OAF: variants seen among roughly 807,000 people sequenced by gnomAD.
OAF encodes the protein out at first protein homolog.
Under a neutral mutation model 22.5 loss-of-function variants are expected in OAF, and 13 were observed. That is an observed-to-expected ratio of 0.58 (90% CI 0.38 to 0.92). The LOEUF (loss-of-function observed/expected upper bound fraction) is 0.92. Ranked by LOEUF, OAF falls within the 40% of genes least tolerant of loss-of-function variation. OAF has a pLI of 0.00. For missense variants in OAF, 347 were observed against 381.8 expected (o/e 0.91, Z 0.76); for synonymous variants, 175 against 170.5 (o/e 1.03, Z -0.21).
At chr11:120,226,591 ACATAGTTTGGGAAGCATC>A (rs1938359697) in intron 2 of OAF, among the ~76,000 whole-genome samples, 1 of 152,230 alleles carries the variant, frequency 6.6e-6, no homozygotes, top group Non-Finnish European at 1.5e-5. Flanking sequence ...AGTGGCCAGC[ACATAGTTTGGGAAGCATC>A]CATTCTGGAT....
At chr11:120,225,617 GTCCCACACC>G in intron 1 of OAF, 35 bp from the exon 2 acceptor site, 3 of 1,527,176 alleles carry the variant, frequency 2.0e-6, no homozygotes, top group Non-Finnish European at 1.8e-6. Context: ...CAGTGGGAAG[GTCCCACACC>G]CTCCAGCCGT....
chr11:120,228,821 T>TACCAGCCCAAC, intron 3 of OAF, 47 bp from the exon 4 acceptor site: 2 of 520,280 alleles, frequency 3.8e-6, no homozygotes, highest in East Asian at 3.4e-5. Context: ...GGGAGCTCCT[T>TACCAGCCCAAC]CCCTCCCTCC....
Position 120,229,191 on chromosome 11 carries a change from C to A in OAF, c.*49C>A. ...CTGCTCTGGGCCCACTGCTCTTCACCAGCCACTAGAGGGGGTGGCAACCCC... is the reference window on the plus strand; with the variant it reads ...CTGCTCTGGGCCCACTGCTCTTCACAAGCCACTAGAGGGGGTGGCAACCCC... On this transcript the variant is annotated 3_prime_UTR_variant, in exon 4 of 4. Transcript: ENST00000328965. 6.4e-7 allele frequency: 1 copy of A among 1,565,682 alleles called. No individual in the cohort carries two copies. Among genetic ancestry groups the A allele is most frequent in the Non-Finnish European group, 8.7e-7 (1 of 1,146,118 alleles).
At chr11:120,228,837 TCCC>T in intron 3 of OAF, 28 bp from the exon 4 acceptor site, 1 of 262,136 alleles carries the variant, frequency 3.8e-6, no homozygotes, top group Admixed American at 3.8e-5. Context: ...CCTCCCTCCC[TCCC>T]TCCCTGATCC....
At chr11:120,223,622 A>G (rs1938309802) in intron 1 of OAF, among the ~76,000 whole-genome samples, 1 of 152,162 alleles carries the variant, frequency 6.6e-6, no homozygotes, top group South Asian at 2.1e-4. Context: ...GCTCAAATAG[A>G]TTTCTTTCAT....
intron 2 of OAF, among the ~76,000 whole-genome samples, chr11:120,226,208 G>T (rs1379382637): frequency 6.6e-6 from 1 of 152,230 alleles, no homozygotes; most frequent in Admixed American, 6.5e-5. Flanking sequence ...TCACTCATTA[G>T]TTGGGTGACA....
Position 120,229,219 on chromosome 11 carries a change from C to T in OAF, c.*77C>T, listed in dbSNP as rs1938404517. The T allele has an allele frequency of 7.3e-7, 1 of 1,363,552 alleles. No individual in the cohort carries two copies. Among genetic ancestry groups the T allele is most frequent in the African/African-American group, 1.4e-5 (1 of 70,010 alleles). The allele number at this position is 1,363,552 out of a possible 1,614,324, so 84.5% of individuals were successfully genotyped here. A position where few individuals can be genotyped will look rare whatever the true frequency, so the allele number is the denominator to read the frequency against. On this transcript the variant is annotated 3_prime_UTR_variant, in exon 4 of 4. Coordinates refer to ENST00000328965, the MANE Select transcript of OAF (RefSeq NM_178507.4). ...CCACTAGAGGGGGTGGCAACCCCCACCTGAGGCCTTATTTCCCTCCCTCCC... is the reference window on the plus strand; with the variant it reads ...CCACTAGAGGGGGTGGCAACCCCCATCTGAGGCCTTATTTCCCTCCCTCCC...
chr11:120,222,647 C>T (rs1469384893), intron 1 of OAF, among the ~76,000 whole-genome samples: 1 of 152,058 alleles, frequency 6.6e-6, no homozygotes, highest in Non-Finnish European at 1.5e-5. Context: ...GGTGCAGTGG[C>T]TCACGCCTGT....
At position 120,229,074 on chromosome 11, in the gene OAF, T is replaced by C. The variant is rs758586410; in HGVS notation, c.754T>C (p.Tyr252His). Residue 252 changes from tyrosine to histidine, a missense_variant, in exon 4 of 4, where the codon TAC becomes CAC. Coordinates refer to ENST00000328965, the MANE Select transcript of OAF (RefSeq NM_178507.4). ...TGGCATCCGCAGCTGCCAGAAGAGC[T>C]ACAGCTTCGACTTCTACGTGCCCCA... ...KCGIRSCQKS[Y>H]SFDFYVPQRQ... 4 of 1,613,672 alleles carry C rather than the reference T, an allele frequency of 2.5e-6. No homozygotes were observed. The South Asian group carries it at 4.4e-5, about 18-fold the overall frequency.
chr11:120,214,463 A>G (rs1166326773), intron 1 of OAF, among the ~76,000 whole-genome samples: 3 of 152,232 alleles, frequency 2.0e-5, no homozygotes, highest in Non-Finnish European at 4.4e-5. Context: ...CAGAAAAGTC[A>G]GTACTGAGCC....
At chr11:120,222,787 C>G (rs1328908091) in intron 1 of OAF, among the ~76,000 whole-genome samples, 6 of 152,166 alleles carry the variant, frequency 3.9e-5, no homozygotes, top group Non-Finnish European at 5.9e-5. Flanking sequence ...TGGCCCATGC[C>G]TGTAGTCCCA....
chr11:120,219,367 G>A (rs1246899618), intron 1 of OAF, among the ~76,000 whole-genome samples: 5 of 152,136 alleles, frequency 3.3e-5, no homozygotes, highest in Admixed American at 1.3e-4. Flanking sequence ...AGGCTCAGCC[G>A]TGAGCAACAT....
In OAF at chr11:120,225,644, C is replaced by A; in HGVS notation, c.232-17C>A. 6.3e-7 allele frequency: 1 copy of A among 1,582,206 alleles called. No individual in the cohort carries two copies. The highest frequency in any genetic ancestry group is 1.7e-4 in the Middle Eastern group (1 of 5,924). ...CCCACACCCTCCAGCCGTTCCCATC[C>A]TCCTGCCCTTCTTCAGGATGTGAAG... On this transcript the variant is annotated splice_polypyrimidine_tract_variant and intron_variant, in intron 1 of 3. Coordinates refer to ENST00000328965, the MANE Select transcript of OAF (RefSeq NM_178507.4).
Position 120,211,528 on chromosome 11 carries a change from G to T in OAF, c.231+18G>T. On this transcript the variant is annotated intron_variant, in intron 1 of 3. Transcript: ENST00000328965. The stretch of plus-strand genomic sequence containing the variant: ...TCAAGAAGGTGAGGCGCCCTCACTC[G>T]CCGGGGTGGCACCTTCAAGCCTGAG... The T allele has an allele frequency of 7.0e-7, 1 of 1,429,938 alleles. No homozygotes were observed. The highest frequency in any genetic ancestry group is 2.8e-5 in the East Asian group (1 of 36,122). The allele number at this position is 1,429,938 out of a possible 1,614,324, so 88.6% of individuals were successfully genotyped here. A position where few individuals can be genotyped will look rare whatever the true frequency, so the allele number is the denominator to read the frequency against.
At chr11:120,215,683 C>T (rs1938203496) in intron 1 of OAF, among the ~76,000 whole-genome samples, 1 of 152,176 alleles carries the variant, frequency 6.6e-6, no homozygotes, top group Non-Finnish European at 1.5e-5. Context: ...GTCACCATCC[C>T]CTCTCCCTAA....
chr11:120,216,103 C>A (rs1361175357), intron 1 of OAF, among the ~76,000 whole-genome samples: 1 of 152,102 alleles, frequency 6.6e-6, no homozygotes, highest in Non-Finnish European at 1.5e-5. Context: ...GAAGCTTGAG[C>A]CCTGTCCTGG....
At chr11:120,217,972 G>A (rs1938233975) in intron 1 of OAF, among the ~76,000 whole-genome samples, 2 of 152,232 alleles carry the variant, frequency 1.3e-5, no homozygotes, top group Non-Finnish European at 2.9e-5. Context: ...GCAGGGAGAG[G>A]CATCAGGGCT....
intron 1 of OAF, among the ~76,000 whole-genome samples, chr11:120,215,657 A>G (rs61898279): frequency 0.044 from 6,627 of 152,236 alleles, 227 homozygotes; most frequent in Admixed American, 0.11. Context: ...TCACTGGCAT[A>G]TCTAATCATA....
At chr11:120,219,867 A>G (rs1303498710) in intron 1 of OAF, among the ~76,000 whole-genome samples, 1 of 152,216 alleles carries the variant, frequency 6.6e-6, no homozygotes, top group Non-Finnish European at 1.5e-5. Context: ...CTGTAGCACT[A>G]TCAGCCTGCA....
Sources: gnomAD v4.1 joint callset for allele counts (sites outside exome capture counted in the v4.1 genomes callset) on GRCh38, gnomAD v4.1.1 for gene constraint, MANE v1.5 for transcripts, NCBI Gene and HGNC (gene_info 2026-07-23, HGNC 2026-07-21) for gene names.